HADH: variants seen among roughly 807,000 people sequenced by gnomAD.
HADH encodes hydroxyacyl-CoA dehydrogenase.
A neutral mutation model predicts 32.2 loss-of-function variants in HADH; 24 were observed. The observed-to-expected ratio is 0.75, with a 90% CI of 0.54 to 1.05. The LOEUF (loss-of-function observed/expected upper bound fraction) is 1.05. Ranked by LOEUF, HADH falls within the 50% of genes least tolerant of loss-of-function variation. HADH has a pLI of 0.00. For synonymous variants in HADH, 139 were observed against 152.5 expected (o/e 0.91, Z 0.65); for missense variants, 350 against 397.1 (o/e 0.88, Z 1.01).
At chr4:108,009,977 C>CTTTTTTTTTTTTT (rs11388783) in intron 2 of HADH, 90 bp downstream of exon 2, 75 of 551,788 alleles carry the variant, frequency 1.4e-4, no homozygotes, top group East Asian at 2.1e-4. Context: ...TTCTTTCTTT[C>CTTTTTTTTTTTTT]TTTTTTTTTT....
rs988111814 is a variant in HADH, at chr4:107,991,007, C to T, written c.132+943C>T. Among the ~76,000 whole-genome samples, 110 of 152,188 alleles carry T rather than the reference C, an allele frequency of 7.2e-4. 2 individuals carry two copies. Among genetic ancestry groups the T allele is most frequent in the Non-Finnish European group, 2.6e-4 (18 of 68,034 alleles). On this transcript the variant is annotated intron_variant, in intron 1 of 7. Coordinates refer to ENST00000309522, the MANE Select transcript of HADH (RefSeq NM_005327.7). ...TCCGCCCGCCTGGCCTCCCGAAGTGCTGGGATTACAGGCGTTAGCCACTGC... is the reference window on the plus strand; with the variant it reads ...TCCGCCCGCCTGGCCTCCCGAAGTGTTGGGATTACAGGCGTTAGCCACTGC...
chr4:108,006,036 A>G (rs148958255), intron 1 of HADH, among the ~76,000 whole-genome samples: 1 of 152,356 alleles, frequency 6.6e-6, no homozygotes, highest in East Asian at 1.9e-4. Flanking sequence ...GAAAGGGGCT[A>G]GAACAAACAT....
intron 2 of HADH, 90 bp downstream of exon 2, chr4:108,009,977 C>T (rs199942346): frequency 3.8e-3 from 2,088 of 550,638 alleles, no homozygotes; most frequent in South Asian, 4.3e-3. Flanking sequence ...TTCTTTCTTT[C>T]TTTTTTTTTT....
rs1736417670 is a variant in HADH at position 108,035,026 on chromosome 4, A to G, written c.*669A>G. Reference sequence around the variant, plus strand: ...TCTGTCTGTGTCTTTTTTCCATGAGAAATCACTGTTGCAAATTGCCTATAA... The same window carrying G: ...TCTGTCTGTGTCTTTTTTCCATGAGGAATCACTGTTGCAAATTGCCTATAA... On this transcript the variant is annotated 3_prime_UTR_variant, in exon 8 of 8. Coordinates refer to ENST00000309522, the MANE Select transcript of HADH (RefSeq NM_005327.7). 1 of 153,110 alleles carries G rather than the reference A, an allele frequency of 6.5e-6. No homozygotes were observed. The highest frequency in any genetic ancestry group is 6.4e-5 in the Admixed American group (1 of 15,526). The allele number at this position is 153,110 out of a possible 1,614,324, so 9.5% of individuals were successfully genotyped here. A position where few individuals can be genotyped will look rare whatever the true frequency, so the allele number is the denominator to read the frequency against.
Position 108,028,306 on chromosome 4 carries a change from C to T in HADH, c.709+546C>T, listed in dbSNP as rs867998407. 70 of 161,618 alleles carry T rather than the reference C, an allele frequency of 4.3e-4. 1 individual carries two copies. The highest frequency in any genetic ancestry group is 1.5e-3 in the African/African-American group (64 of 41,704). 10.0% of individuals were successfully genotyped at this position (161,618 alleles called of 1,614,324 possible). ...CTCAGTACTTGATTGACAAAGAATG[C>T]TTTTCTCTGCTGTAGAAATATCAGA... is the stretch of plus-strand genomic sequence containing the variant. On this transcript the variant is annotated intron_variant, in intron 6 of 7. Transcript: ENST00000309522.
At chr4:108,016,417 A>G (rs1406663515) in intron 3 of HADH, among the ~76,000 whole-genome samples, 1 of 152,162 alleles carries the variant, frequency 6.6e-6, no homozygotes, top group Non-Finnish European at 1.5e-5. Context: ...TCATCTGTCC[A>G]TCACTGCCAA....
intron 4 of HADH, among the ~76,000 whole-genome samples, chr4:108,020,837 G>A (rs1312485396): frequency 6.6e-6 from 1 of 152,156 alleles, no homozygotes; most frequent in African/African-American, 2.4e-5. Flanking sequence ...CTGGGAGTGT[G>A]TATCGTCTGT....
chr4:108,023,552 G>C lies in HADH; in HGVS notation c.625G>C (p.Val209Leu), dbSNP rs1468010488. The C allele has an allele frequency of 1.9e-6, 3 of 1,595,530 alleles. No homozygotes were observed. Among genetic ancestry groups the C allele is most frequent in the South Asian group, 2.2e-5 (2 of 90,718 alleles). Residue 209 changes from valine to leucine, a missense_variant, in exon 5 of 8, where the codon GTT becomes CTT. Val to Leu is a conservative substitution (Grantham distance 32, BLOSUM62 1). Transcript: ENST00000309522. ...TAGCAAAGCCCTAGGAAAGCATCCTGTTTCTTGCAAGGTAAGAGTATGGGT... is the reference window on the plus strand; with the variant it reads ...TAGCAAAGCCCTAGGAAAGCATCCTCTTTCTTGCAAGGTAAGAGTATGGGT... The part of the protein sequence containing the change: ...DFSKALGKHP[V>L]SCKDTPGFIV...
intron 1 of HADH, among the ~76,000 whole-genome samples, chr4:107,993,688 G>A (rs983866639): frequency 2.0e-5 from 3 of 152,010 alleles, no homozygotes; most frequent in Admixed American, 6.5e-5. Flanking sequence ...TGTATTTTCC[G>A]AGAGTATCTA....
chr4:108,006,920 A>T (rs774663997), intron 1 of HADH, among the ~76,000 whole-genome samples: 1 of 152,172 alleles, frequency 6.6e-6, no homozygotes, highest in African/African-American at 2.4e-5. Flanking sequence ...TAGGCACATT[A>T]TTTAACCTCT....
rs190644458 is a variant in HADH, at chr4:108,023,494, C to G, written c.567C>G (p.Thr189=). Residue 189 remains threonine, a synonymous_variant, in exon 5 of 8, where the codon ACC becomes ACG. Coordinates refer to ENST00000309522, the MANE Select transcript of HADH (RefSeq NM_005327.7). ...KLVEVIKTPM[T]SQKTFESLVD... is the part of the protein sequence containing the mutation. ...TCCAGGTCATTAAAACACCAATGAC[C>G]AGCCAGAAGACATTTGAATCTTTGG... is the stretch of plus-strand genomic sequence containing the variant. The G allele has an allele frequency of 2.5e-6, 4 of 1,610,836 alleles. No homozygotes were observed. In the South Asian group the frequency reaches 3.3e-5, roughly 13 times the overall value.
At chr4:108,003,795 G>A (rs1324705262) in intron 1 of HADH, among the ~76,000 whole-genome samples, 2 of 141,690 alleles carry the variant, frequency 1.4e-5, no homozygotes, top group Non-Finnish European at 3.0e-5. Flanking sequence ...GAAAGAAGAA[G>A]GGGGCAGCCC....
At chr4:108,000,246 A>G (rs955126515) in intron 1 of HADH, among the ~76,000 whole-genome samples, 2 of 152,238 alleles carry the variant, frequency 1.3e-5, no homozygotes, top group Non-Finnish European at 2.9e-5. Flanking sequence ...TGATCATTAC[A>G]CATTTTAGGC....
chr4:108,001,016 T>G (rs1735105957), intron 1 of HADH, among the ~76,000 whole-genome samples: 2 of 152,228 alleles, frequency 1.3e-5, no homozygotes, highest in South Asian at 4.1e-4. Context: ...ACAGTTTACT[T>G]TGGTGTAAAG....
chr4:108,027,713 G>A lies in HADH; in HGVS notation c.662G>A (p.Arg221His), dbSNP rs76476980. Residue 221 changes from arginine to histidine, a missense_variant, in exon 6 of 8, where the codon CGC becomes CAC. Transcript: ENST00000309522. ...GACACTCCTGGGTTTATTGTGAACC[G>A]CCTCCTGGTTCCATACCTCATGGAA... ...CKDTPGFIVN[R>H]LLVPYLMEAI... 1,000 of 1,609,822 alleles carry A rather than the reference G, an allele frequency of 6.2e-4. 5 individuals carry two copies. In the African/African-American group the frequency reaches 0.011, roughly 18 times the overall value.
intron 4 of HADH, among the ~76,000 whole-genome samples, chr4:108,020,764 G>A (rs1343688544): frequency 1.3e-5 from 2 of 152,170 alleles, no homozygotes; most frequent in African/African-American, 4.8e-5. Flanking sequence ...TGTGGGGGAC[G>A]CTGATGCTGC....
At chr4:107,990,545 A>G (rs952809866) in intron 1 of HADH, among the ~76,000 whole-genome samples, 4 of 152,238 alleles carry the variant, frequency 2.6e-5, no homozygotes, top group African/African-American at 7.2e-5. Flanking sequence ...TTTCTCTCCT[A>G]AACGGCCTCC....
intron 7 of HADH, 81 bp downstream of exon 7, chr4:108,033,373 T>A (rs1174670813): frequency 1.2e-6 from 1 of 813,294 alleles, no homozygotes; most frequent in Non-Finnish European, 2.2e-6. Flanking sequence ...TAAAAAAAGT[T>A]AGCAGGGGTC....
chr4:107,998,436 T>C (rs1735018332), intron 1 of HADH, among the ~76,000 whole-genome samples: 1 of 152,202 alleles, frequency 6.6e-6, no homozygotes, highest in Non-Finnish European at 1.5e-5. Context: ...TGCACCACCA[T>C]GCCTGGCTAA....
Sources: allele counts gnomAD v4.1 joint callset (sites outside exome capture counted in the v4.1 genomes callset), GRCh38; gene constraint gnomAD v4.1.1; transcripts MANE v1.5; gene names NCBI Gene and HGNC (gene_info 2026-07-23, HGNC 2026-07-21).